Variants in FMNL2 observed in about 807,000 individuals in gnomAD.
The protein encoded by FMNL2 is formin like 2.
FMNL2 carries 51 observed loss-of-function variants against 130.2 expected under a neutral mutation model. That is an observed-to-expected ratio of 0.39 (90% confidence interval 0.31 to 0.49). The LOEUF (loss-of-function observed/expected upper bound fraction) is 0.49. Among genes scored for constraint, FMNL2 ranks in the 20% least tolerant of loss-of-function variants. FMNL2 has a pLI of 0.85. For synonymous variants in FMNL2, 465 were observed against 467.1 expected, an observed-to-expected ratio of 1.00 and a Z score of 0.06; for missense variants, 977 against 1,316.2, an observed-to-expected ratio of 0.74 and a Z score of 3.99.
intron 1 of FMNL2, among the ~76,000 whole-genome samples, chr2:152,478,946 G>A (rs1381375588): frequency 4.6e-5 from 7 of 152,120 alleles, no homozygotes; most frequent in Non-Finnish European, 1.0e-4. Context: ...ATGAGGTGAT[G>A]TCCCACATTC....
intron 15 of FMNL2, chr2:152,621,215 G>T: frequency 1.3e-5 from 11 of 867,104 alleles, no homozygotes; most frequent in Non-Finnish European, 1.5e-5. Flanking sequence ...CTCATTTGGG[G>T]CTGCTTCCTT....
At chr2:152,614,736 C>T in intron 11 of FMNL2, 115 bp from the exon 12 acceptor site, 2 of 716,278 alleles carry the variant, frequency 2.8e-6, no homozygotes, top group Non-Finnish European at 3.9e-6. Context: ...GAGTGAAACT[C>T]CATCTCAAAA....
At chr2:152,336,092 A>AAATACAAAAC (rs1674788056) in intron 1 of FMNL2, among the ~76,000 whole-genome samples, 1 of 132,268 alleles carries the variant, frequency 7.6e-6, no homozygotes, top group African/African-American at 2.9e-5. Context: ...TTTTTTTAAA[A>AAATACAAAAC]AAAACAAAAC....
At position 152,465,293 on chromosome 2, in the gene FMNL2, C is replaced by T. The variant is rs550022829; in HGVS notation, c.118-56650C>T. Among the ~76,000 whole-genome samples, 4 of 152,314 alleles carry T rather than the reference C, an allele frequency of 2.6e-5. 1 individual carries two copies. The highest frequency in any genetic ancestry group is 9.6e-5 in the African/African-American group (4 of 41,584). On this transcript the variant is annotated intron_variant, in intron 1 of 25. Transcript: ENST00000288670. ...GTGTTGGTGAGTGCTCCACAAGAGC[C>T]ATGTCAGACCTCAATTCAGTGCTAT...
At chr2:152,520,360 G>A (rs930819192) in intron 1 of FMNL2, among the ~76,000 whole-genome samples, 2 of 152,046 alleles carry the variant, frequency 1.3e-5, no homozygotes, top group Admixed American at 6.6e-5. Flanking sequence ...TTGGGAGGCC[G>A]AGGCGGGCGG....
At position 152,408,071 on chromosome 2, in the gene FMNL2, T is replaced by A. The variant is rs546567110; in HGVS notation, c.117+72351T>A. On this transcript the variant is annotated intron_variant, in intron 1 of 25. Transcript: ENST00000288670. Reference sequence around the variant, plus strand: ...GGCTGGAAGGTGGCAGAGAACAGGGTTGGAGAGTTTCTCTGGTAGGTGGAT... The same window carrying A: ...GGCTGGAAGGTGGCAGAGAACAGGGATGGAGAGTTTCTCTGGTAGGTGGAT... Among the ~76,000 whole-genome samples the A allele has an allele frequency of 2.0e-5, 3 of 152,270 alleles. No homozygotes were observed. The East Asian group carries it at 5.8e-4, about 29-fold the overall frequency.
intron 1 of FMNL2, among the ~76,000 whole-genome samples, chr2:152,347,726 A>T (rs1682207970): frequency 6.6e-6 from 1 of 152,162 alleles, no homozygotes; most frequent in African/African-American, 2.4e-5. Context: ...GTTCTGGTTC[A>T]ATTTCCCATC....
chr2:152,511,649 A>C (rs905159672), intron 1 of FMNL2, among the ~76,000 whole-genome samples: 3 of 152,160 alleles, frequency 2.0e-5, no homozygotes, highest in African/African-American at 7.2e-5. Context: ...AACCTGGGCC[A>C]AGCTTGAGTA....
At chr2:152,589,699 C>G (rs7581918) in intron 9 of FMNL2, among the ~76,000 whole-genome samples, 80,813 of 151,696 alleles carry the variant, frequency 0.53, 23,536 homozygotes, top group East Asian at 0.78. Context: ...ATATCACCAA[C>G]TCTAAAAAGC....
At chr2:152,342,355 G>T (rs1210972509) in intron 1 of FMNL2, among the ~76,000 whole-genome samples, 1 of 152,194 alleles carries the variant, frequency 6.6e-6, no homozygotes, top group African/African-American at 2.4e-5. Flanking sequence ...ACAAAGCATT[G>T]AATCCTTATA....
chr2:152,377,505 A>C (rs1321620673), intron 1 of FMNL2, among the ~76,000 whole-genome samples: 2 of 152,206 alleles, frequency 1.3e-5, no homozygotes, highest in African/African-American at 4.8e-5. Context: ...TTGAAACGTA[A>C]ATTAAATGTA....
chr2:152,649,724 G>A lies in FMNL2; in HGVS notation c.*1819G>A, dbSNP rs1683916758. 6.6e-6 allele frequency: 1 copy of A among 152,552 alleles called. No homozygotes were observed. Among genetic ancestry groups the A allele is most frequent in the African/African-American group, 2.4e-5 (1 of 41,420 alleles). 9.4% of individuals were successfully genotyped at this position (152,552 alleles called of 1,614,324 possible). A position where few individuals can be genotyped will look rare whatever the true frequency, so the allele number is the denominator to read the frequency against. ...TTCTTTTCTGTTTGTCTATTAATGG[G>A]CCTGCTTCTTAGCAATATTAGAATG... On this transcript the variant is annotated 3_prime_UTR_variant, in exon 26 of 26. Transcript: ENST00000288670.
intron 6 of FMNL2, among the ~76,000 whole-genome samples, chr2:152,566,371 G>T (rs562078200): frequency 1.3e-5 from 2 of 152,172 alleles, no homozygotes; most frequent in African/African-American, 4.8e-5. Context: ...GGGCCTCGGG[G>T]GATTTGCTGT....
chr2:152,503,122 C>G (rs1012426749), intron 1 of FMNL2, among the ~76,000 whole-genome samples: 1 of 152,162 alleles, frequency 6.6e-6, no homozygotes, highest in African/African-American at 2.4e-5. Flanking sequence ...GATGGTAAGG[C>G]AGACTTTATT....
chr2:152,614,728 G>A lies in FMNL2; in HGVS notation c.1063-123G>A, dbSNP rs1698856773. 6.3e-6 allele frequency: 5 copies of A among 795,116 alleles called. No individual in the cohort carries two copies. In the Admixed American group the frequency reaches 2.2e-4, roughly 35 times the overall value. The allele number at this position is 795,116 out of a possible 1,614,324, so 49.3% of individuals were successfully genotyped here. On this transcript the variant is annotated intron_variant, in intron 11 of 25. Coordinates refer to ENST00000288670, the MANE Select transcript of FMNL2 (RefSeq NM_052905.4). The stretch of plus-strand genomic sequence containing the variant: ...ATTCCACTCCAGCCTGGGTGACAGA[G>A]TGAAACTCCATCTCAAAACAAAACA...
rs1316574982 is a variant in FMNL2, at chr2:152,540,985, G to A, written c.202-1754G>A. 2.0e-5 allele frequency among the ~76,000 whole-genome samples: 3 copies of A among 152,176 alleles called. No homozygotes were observed. The East Asian group carries it at 5.8e-4, about 29-fold the overall frequency. On this transcript the variant is annotated intron_variant, in intron 2 of 25. Transcript: ENST00000288670. Reference sequence around the variant, plus strand: ...GTGTTGGAGAAATACAAGTTTCTATGGGATAAACAAATGCATGCACATGCT... The same window carrying A: ...GTGTTGGAGAAATACAAGTTTCTATAGGATAAACAAATGCATGCACATGCT...
chr2:152,622,903 C>T (rs946256864), intron 15 of FMNL2, among the ~76,000 whole-genome samples: 3 of 151,696 alleles, frequency 2.0e-5, no homozygotes, highest in African/African-American at 7.3e-5. Flanking sequence ...CCAGGTGCCC[C>T]TTTTCCATTC....
intron 4 of FMNL2, among the ~76,000 whole-genome samples, chr2:152,556,471 A>C (rs1001275660): frequency 1.3e-5 from 2 of 152,140 alleles, no homozygotes; most frequent in Non-Finnish European, 2.9e-5. Context: ...CAAAGTCAGG[A>C]AGTGGTGATG....
rs138033024 is a variant in FMNL2, at chr2:152,456,681, C to T, written c.118-65262C>T. On this transcript the variant is annotated intron_variant, in intron 1 of 25. Coordinates refer to ENST00000288670, the MANE Select transcript of FMNL2 (RefSeq NM_052905.4). ...ATTTGGGGCCGGGCGCGGTAGCTCA[C>T]GCCTGTAATCCCAGCACTTTAGGAG... Among the ~76,000 whole-genome samples the T allele has an allele frequency of 1.4e-4, 21 of 152,136 alleles. 1 individual carries two copies. The highest frequency in any genetic ancestry group is 3.9e-4 in the African/African-American group (16 of 41,496).
Sources: gnomAD v4.1 joint callset for allele counts (sites outside exome capture counted in the v4.1 genomes callset) on GRCh38, gnomAD v4.1.1 for gene constraint, MANE v1.5 for transcripts, NCBI Gene and HGNC (gene_info 2026-07-23, HGNC 2026-07-21) for gene names.